The following DOCK4 variants were observed in gnomAD, a reference collection of about 807,000 sequenced individuals.
DOCK4 encodes dedicator of cytokinesis protein 4.
A neutral mutation model predicts 268.1 loss-of-function variants in DOCK4; 97 were observed. The ratio of observed to expected loss-of-function variants is 0.36; its 90% confidence interval spans 0.31 to 0.43. The LOEUF (loss-of-function observed/expected upper bound fraction) is 0.43. Ranked by LOEUF, DOCK4 falls within the 20% of genes least tolerant of loss-of-function variation. DOCK4 has a pLI of 1.00. For missense variants in DOCK4, 2,145 were observed against 2,455.7 expected (o/e 0.87, Z 2.67); for synonymous variants, 954 against 887.2 (o/e 1.08, Z -1.34).
At chr7:112,133,561 T>C (rs1021747687) in intron 1 of DOCK4, among the ~76,000 whole-genome samples, 8 of 151,878 alleles carry the variant, frequency 5.3e-5, no homozygotes, top group African/African-American at 1.9e-4. Context: ...GTGACACCCG[T>C]CTCTCCTAAA....
chr7:111,774,609 G>C (rs1798333250), intron 36 of DOCK4, among the ~76,000 whole-genome samples: 1 of 152,158 alleles, frequency 6.6e-6, no homozygotes, highest in Non-Finnish European at 1.5e-5. Flanking sequence ...GAGGGGGATG[G>C]CTGCATGGAA....
chr7:111,752,577 GGTTTT>G (rs1177861669), intron 42 of DOCK4, among the ~76,000 whole-genome samples: 1 of 131,540 alleles, frequency 7.6e-6, no homozygotes, highest in Non-Finnish European at 1.6e-5. Context: ...AATCAGCTTA[GGTTTT>G]TTTTTTTTTT....
At chr7:111,912,787 G>A (rs1792226662) in intron 13 of DOCK4, among the ~76,000 whole-genome samples, 2 of 152,108 alleles carry the variant, frequency 1.3e-5, no homozygotes, top group Admixed American at 1.3e-4. Flanking sequence ...TCATAGCCCT[G>A]TGTTCCTAGG....
intron 1 of DOCK4, among the ~76,000 whole-genome samples, chr7:112,105,176 A>G (rs571980095): frequency 5.3e-5 from 8 of 152,244 alleles, no homozygotes; most frequent in African/African-American, 1.4e-4. Context: ...GTTTAGGGTA[A>G]CTCATAGAGG....
At chr7:111,881,785 T>C (rs1220369710) in intron 16 of DOCK4, among the ~76,000 whole-genome samples, 2 of 152,194 alleles carry the variant, frequency 1.3e-5, no homozygotes, top group African/African-American at 4.8e-5. Context: ...ACAACATGAA[T>C]GGAACTGGAG....
intron 1 of DOCK4, among the ~76,000 whole-genome samples, chr7:112,030,894 C>A (rs1803216468): frequency 6.6e-6 from 1 of 152,224 alleles, no homozygotes; most frequent in Admixed American, 6.5e-5. Context: ...TGGCCACAAT[C>A]TATGGCAAAT....
At chr7:112,037,248 C>T in intron 1 of DOCK4, among the ~76,000 whole-genome samples, 1 of 152,212 alleles carries the variant, frequency 6.6e-6, no homozygotes, top group African/African-American at 2.4e-5. Flanking sequence ...GCAGGCTAGG[C>T]TAAGATAAGA....
At chr7:111,784,438 A>G in intron 32 of DOCK4, 2 of 576,538 alleles carry the variant, frequency 3.5e-6, no homozygotes, top group Non-Finnish European at 6.6e-6. Context: ...CAACTGCTAC[A>G]GGAAAATCCT....
At chr7:111,885,059 A>C (rs1356925447) in intron 16 of DOCK4, among the ~76,000 whole-genome samples, 1 of 152,202 alleles carries the variant, frequency 6.6e-6, no homozygotes, top group Non-Finnish European at 1.5e-5. Context: ...CAGTCTTCCC[A>C]TTAGGTGAAA....
chr7:111,750,442 A>G (rs1796554814), intron 42 of DOCK4, among the ~76,000 whole-genome samples: 3 of 152,356 alleles, frequency 2.0e-5, no homozygotes, highest in South Asian at 4.1e-4. Flanking sequence ...AATGTCCCTG[A>G]GAAGCTTTAC....
intron 15 of DOCK4, among the ~76,000 whole-genome samples, chr7:111,897,032 C>A (rs73424333): frequency 2.0e-5 from 3 of 151,932 alleles, no homozygotes; most frequent in Non-Finnish European, 1.5e-5. Flanking sequence ...TTAAGAACAA[C>A]TGACATCTTG....
At chr7:112,079,988 A>T (rs1009116841) in intron 1 of DOCK4, among the ~76,000 whole-genome samples, 2 of 152,172 alleles carry the variant, frequency 1.3e-5, no homozygotes, top group African/African-American at 4.8e-5. Flanking sequence ...AATGTAATAT[A>T]GCTGAAGTTA....
Position 111,925,040 on chromosome 7 carries a change from A to G in DOCK4, c.1067-9136T>C, listed in dbSNP as rs1011062895. On this transcript the variant is annotated intron_variant, in intron 12 of 52. Transcript: ENST00000428084. ...AACTTCCTATAGATGATATTAGTAG[A>G]TTTTTTCAAAAATCACCTTCAGTAA... Among the ~76,000 whole-genome samples the G allele has an allele frequency of 4.6e-5, 7 of 152,268 alleles. No individual in the cohort carries two copies. The Middle Eastern group carries it at 0.01, about 223-fold the overall frequency.
At chr7:111,743,913 G>C (rs983247502) in intron 44 of DOCK4, among the ~76,000 whole-genome samples, 1 of 152,118 alleles carries the variant, frequency 6.6e-6, no homozygotes, top group Non-Finnish European at 1.5e-5. Context: ...TCGAACTCCT[G>C]GGCTAAGGTG....
chr7:111,975,001 C>T (rs1271130299), intron 8 of DOCK4, among the ~76,000 whole-genome samples: 1 of 152,218 alleles, frequency 6.6e-6, no homozygotes, highest in East Asian at 1.9e-4. Flanking sequence ...CACAGTGGCT[C>T]ATGCCTATAA....
chr7:112,038,844 T>C (rs1027629304), intron 1 of DOCK4, among the ~76,000 whole-genome samples: 4 of 152,260 alleles, frequency 2.6e-5, no homozygotes, highest in African/African-American at 9.6e-5. Context: ...TGTAATGTTT[T>C]GTGACTACAA....
At chr7:111,957,594 T>G (rs1012126365) in intron 8 of DOCK4, among the ~76,000 whole-genome samples, 1 of 152,190 alleles carries the variant, frequency 6.6e-6, no homozygotes, top group African/African-American at 2.4e-5. Flanking sequence ...TAACAAGGAC[T>G]GCATCAATGA....
chr7:112,004,867 T>C (rs901706203), intron 1 of DOCK4, among the ~76,000 whole-genome samples: 1 of 152,170 alleles, frequency 6.6e-6, no homozygotes, highest in Non-Finnish European at 1.5e-5. Flanking sequence ...CTGAAACATT[T>C]TGCAGGGCAG....
chr7:111,849,337 A>G (rs991280464), intron 23 of DOCK4, among the ~76,000 whole-genome samples: 2 of 144,996 alleles, frequency 1.4e-5, no homozygotes, highest in African/African-American at 5.2e-5. Flanking sequence ...ATCTTGGCTC[A>G]CTGCAACCTC....
Sources: allele counts gnomAD v4.1 joint callset (sites outside exome capture counted in the v4.1 genomes callset), GRCh38; gene constraint gnomAD v4.1.1; transcripts MANE v1.5; gene names NCBI Gene and HGNC (gene_info 2026-07-23, HGNC 2026-07-21).